Variants in IKZF1 observed in about 807,000 individuals in gnomAD.
The protein encoded by IKZF1 is IKAROS family zinc finger 1, also known as DNA-binding protein Ikaros.
A neutral mutation model predicts 51.7 loss-of-function variants in IKZF1; 10 were observed. That is an observed-to-expected ratio of 0.19 (90% CI 0.12 to 0.33). IKZF1 has a LOEUF of 0.33. IKZF1 is among the 10% of genes least tolerant of loss of function. IKZF1 has a pLI of 1.00. For missense variants in IKZF1, 484 were observed against 707.5 expected (o/e 0.68, Z 3.58); for synonymous variants, 280 against 282.3 (o/e 0.99, Z 0.08).
In IKZF1 at chr7:50,401,831, A is replaced by C. The variant is rs907058003; in HGVS notation, c.*1204A>C. 1.3e-5 allele frequency: 3 copies of C among 224,006 alleles called. No homozygotes were observed. Among genetic ancestry groups the C allele is most frequent in the African/African-American group, 6.7e-5 (3 of 44,842 alleles). 13.9% of individuals were successfully genotyped at this position (224,006 alleles called of 1,614,324 possible). On this transcript the variant is annotated 3_prime_UTR_variant, in exon 8 of 8. Transcript: ENST00000331340. ...AGCCCAGCATCTCTGTTGCTAACAC[A>C]CAGAGCTCACCTGTTTGAAACCAAG...
intron 5 of IKZF1, among the ~76,000 whole-genome samples, chr7:50,383,300 C>A (rs1379209866): frequency 6.6e-6 from 1 of 152,178 alleles, no homozygotes; most frequent in Non-Finnish European, 1.5e-5. Context: ...TTGAATTAGA[C>A]AGTTAAAGTA....
rs577107687 is a variant in IKZF1 at position 50,404,875 on chromosome 7, C to T, written c.*4248C>T. 4.6e-6 allele frequency: 1 copy of T among 219,494 alleles called. No individual in the cohort carries two copies. The highest frequency in any genetic ancestry group is 5.8e-5 in the Admixed American group (1 of 17,302). 13.6% of individuals were successfully genotyped at this position (219,494 alleles called of 1,614,324 possible). A position where few individuals can be genotyped will look rare whatever the true frequency, so the allele number is the denominator to read the frequency against. ...GAGTATTCATTTACCCTTTTCTGAT[C>T]TCCTGGAAACAGCTGCCTGCCTGCA... On this transcript the variant is annotated 3_prime_UTR_variant, in exon 8 of 8. Coordinates refer to ENST00000331340, the MANE Select transcript of IKZF1 (RefSeq NM_006060.6).
intron 1 of IKZF1, among the ~76,000 whole-genome samples, chr7:50,312,935 G>A (rs1414311817): frequency 6.6e-6 from 1 of 151,854 alleles, no homozygotes; most frequent in African/African-American, 2.4e-5. Flanking sequence ...AATACTCTGT[G>A]GAATAATCAT....
intron 1 of IKZF1, among the ~76,000 whole-genome samples, chr7:50,312,599 GTTCTGT>G (rs1790466040): frequency 6.6e-6 from 1 of 152,222 alleles, no homozygotes; most frequent in African/African-American, 2.4e-5. Context: ...CATTTAAAAT[GTTCTGT>G]TTCTTTTCCC....
At chr7:50,307,221 G>A (rs139577600) in intron 1 of IKZF1, among the ~76,000 whole-genome samples, 61 of 152,148 alleles carry the variant, frequency 4.0e-4, no homozygotes, top group African/African-American at 1.2e-3. Context: ...TGTAACTGTG[G>A]TTAACGAAGA....
chr7:50,327,511 C>A, intron 2 of IKZF1, 127 bp from the exon 3 acceptor site: 1 of 1,125,300 alleles, frequency 8.9e-7, no homozygotes, highest in Non-Finnish European at 1.2e-6. Context: ...ATATGCATCC[C>A]AGCAGAGAAG....
chr7:50,346,968 G>A (rs1800537487), intron 3 of IKZF1, among the ~76,000 whole-genome samples: 1 of 152,168 alleles, frequency 6.6e-6, no homozygotes, highest in African/African-American at 2.4e-5. Flanking sequence ...CATGTTAACT[G>A]TCAACTGAGA....
chr7:50,319,968 G>A (rs148235625), intron 2 of IKZF1, among the ~76,000 whole-genome samples: 1 of 152,272 alleles, frequency 6.6e-6, no homozygotes, highest in East Asian at 1.9e-4. Flanking sequence ...CTGCTTGGTG[G>A]TTTCCCTGGG....
At position 50,371,079 on chromosome 7, in the gene IKZF1, A is replaced by G. The variant is rs1584850199; in HGVS notation, c.161-5454A>G. 2.0e-5 allele frequency among the ~76,000 whole-genome samples: 3 copies of G among 152,204 alleles called. No homozygotes were observed. The South Asian group carries it at 6.2e-4, about 31-fold the overall frequency. On this transcript the variant is annotated intron_variant, in intron 3 of 7. Transcript: ENST00000331340. Reference sequence around the variant, plus strand: ...GCCTGCAAATCGGGCAGGCGGGTTCATGGAATTGATTCTAGGGCAGGTATG... The same window carrying G: ...GCCTGCAAATCGGGCAGGCGGGTTCGTGGAATTGATTCTAGGGCAGGTATG...
intron 7 of IKZF1, among the ~76,000 whole-genome samples, chr7:50,393,489 C>T (rs1032821001): frequency 2.0e-4 from 30 of 152,130 alleles, no homozygotes; most frequent in African/African-American, 7.2e-4. Context: ...CCTCTTGCAG[C>T]TTCAAATAGG....
intron 1 of IKZF1, among the ~76,000 whole-genome samples, chr7:50,307,679 CATT>C (rs1367658403): frequency 3.9e-5 from 6 of 152,156 alleles, no homozygotes; most frequent in Admixed American, 1.3e-4. Flanking sequence ...AGAAGAGAAA[CATT>C]AATCTATTTC....
intron 2 of IKZF1, among the ~76,000 whole-genome samples, chr7:50,322,963 C>A (rs961578314): frequency 6.6e-6 from 1 of 152,022 alleles, no homozygotes; most frequent in Non-Finnish European, 1.5e-5. Context: ...ATATGGAAAC[C>A]AGAAGTTTGT....
intron 3 of IKZF1, among the ~76,000 whole-genome samples, chr7:50,350,823 G>T (rs1401391801): frequency 6.6e-6 from 1 of 152,204 alleles, no homozygotes; most frequent in Non-Finnish European, 1.5e-5. Flanking sequence ...AGCAAGCTGG[G>T]CTCTGGTAGC....
intron 7 of IKZF1, among the ~76,000 whole-genome samples, chr7:50,392,488 C>T (rs938870105): frequency 6.6e-6 from 1 of 152,138 alleles, no homozygotes; most frequent in African/African-American, 2.4e-5. Flanking sequence ...CCAGACGCTG[C>T]AGGGACAGTG....
intron 3 of IKZF1, among the ~76,000 whole-genome samples, chr7:50,333,533 T>G (rs891441035): frequency 1.3e-5 from 2 of 152,204 alleles, no homozygotes; most frequent in Non-Finnish European, 2.9e-5. Flanking sequence ...GCATCTCTTC[T>G]GAACCGATAA....
chr7:50,394,096 A>T (rs1414456287), intron 7 of IKZF1: 4 of 232,310 alleles, frequency 1.7e-5, no homozygotes, highest in Admixed American at 1.1e-4. Context: ...AATAAACAAC[A>T]CAGTGCTCTG....
chr7:50,322,947 T>C (rs1793813784), intron 2 of IKZF1, among the ~76,000 whole-genome samples: 1 of 152,166 alleles, frequency 6.6e-6, no homozygotes, highest in African/African-American at 2.4e-5. Context: ...GTGTGTTTTT[T>C]TGGGGATATG....
At chr7:50,336,455 A>C (rs1220469114) in intron 3 of IKZF1, among the ~76,000 whole-genome samples, 3 of 152,084 alleles carry the variant, frequency 2.0e-5, no homozygotes, top group African/African-American at 7.2e-5. Context: ...ACTCGCTCTG[A>C]GGCTGAGGAA....
chr7:50,338,908 G>T (rs1798400139), intron 3 of IKZF1, among the ~76,000 whole-genome samples: 1 of 152,210 alleles, frequency 6.6e-6, no homozygotes, highest in Non-Finnish European at 1.5e-5. Context: ...TGCCTGTTAG[G>T]ATCAGTGAGA....
Sources: gnomAD v4.1 joint callset for allele counts (sites outside exome capture counted in the v4.1 genomes callset) on GRCh38, gnomAD v4.1.1 for gene constraint, MANE v1.5 for transcripts, NCBI Gene and HGNC (gene_info 2026-07-23, HGNC 2026-07-21) for gene names.